The following CRYBG1 variants were observed in gnomAD, a reference collection of about 807,000 sequenced individuals.
The protein encoded by CRYBG1 is beta/gamma crystallin domain-containing protein 1.
CRYBG1 carries 139 observed loss-of-function variants against 189.2 expected under a neutral mutation model. That is an observed-to-expected ratio of 0.73 (90% CI 0.64 to 0.85). CRYBG1 has a LOEUF of 0.85. CRYBG1 is among the 40% of genes least tolerant of loss of function. The pLI is 0.00. For synonymous variants in CRYBG1, 1,023 were observed against 1,017.1 expected, an observed-to-expected ratio of 1.01 and a Z score of -0.11; for missense variants, 2,611 against 2,675.8, an observed-to-expected ratio of 0.98 and a Z score of 0.53.
rs1285497706 is a variant in CRYBG1, at chr6:106,558,514, T to C, written c.5744T>C (p.Phe1915Ser). The change falls in exon 18 of 22, where the codon TTT (phenylalanine) becomes TCT (serine). Residue 1915 changes from phenylalanine to serine, a missense_variant. By Grantham distance (155) the Phe-to-Ser change is radical. Around this residue, in one of 3 missense-constraint regions of CRYBG1, gnomAD observed 1,622 missense variants for 1,735.0 expected, o/e 0.93. Transcript: ENST00000633556. ...VEFSEPTIIL[F>S]EREDFKGKKI... ...TTTTCTGAACCAACAATTATTCTCT[T>C]TGAAAGAGAAGACTTCAAAGGAAAA... 16 of 1,607,200 alleles carry C rather than the reference T, an allele frequency of 1.0e-5. No individual in the cohort carries two copies. The East Asian group carries it at 3.6e-4, about 36-fold the overall frequency.
At chr6:106,560,382 CAA>C (rs1246319222) in intron 18 of CRYBG1, among the ~76,000 whole-genome samples, 1 of 152,170 alleles carries the variant, frequency 6.6e-6, no homozygotes, top group Non-Finnish European at 1.5e-5. Flanking sequence ...TTAGATTTAA[CAA>C]AGATTACTCT....
At chr6:106,366,256 T>C (rs2114290719) in intron 1 of CRYBG1, among the ~76,000 whole-genome samples, 1 of 152,328 alleles carries the variant, frequency 6.6e-6, no homozygotes, top group South Asian at 2.1e-4. Flanking sequence ...TCTATTTTTG[T>C]TTTATGTAAT....
rs1335653047 is a variant in CRYBG1, at chr6:106,499,751, T to G, written c.313-11679T>G. On this transcript the variant is annotated intron_variant, in intron 2 of 21. Coordinates refer to ENST00000633556, the MANE Select transcript of CRYBG1 (RefSeq NM_001371242.2). ...TTAGTATTAACTATGGTCACCATGC[T>G]GTGCAATAGATCTTGAAAACTTATT... Among the ~76,000 whole-genome samples, 9 of 152,362 alleles carry G rather than the reference T, an allele frequency of 5.9e-5. No individual in the cohort carries two copies. The South Asian group carries it at 1.2e-3, about 21-fold the overall frequency.
chr6:106,464,286 A>G (rs1772068796), intron 2 of CRYBG1, among the ~76,000 whole-genome samples: 1 of 152,196 alleles, frequency 6.6e-6, no homozygotes, highest in South Asian at 2.1e-4. Context: ...CAAGGTCAGG[A>G]GTTCAAGACC....
intron 2 of CRYBG1, among the ~76,000 whole-genome samples, chr6:106,456,507 T>C (rs1160333142): frequency 2.0e-5 from 3 of 152,088 alleles, no homozygotes; most frequent in Non-Finnish European, 1.5e-5. Context: ...ATTATAGAGG[T>C]AGTATGTTTG....
At chr6:106,459,180 T>C (rs1018485764) in intron 2 of CRYBG1, among the ~76,000 whole-genome samples, 1 of 152,190 alleles carries the variant, frequency 6.6e-6, no homozygotes, top group Non-Finnish European at 1.5e-5. Flanking sequence ...GAGTGATGTG[T>C]TTTGCTTTCC....
intron 4 of CRYBG1, among the ~76,000 whole-genome samples, 166 bp downstream of exon 4, chr6:106,521,619 G>A (rs1015121251): frequency 7.2e-6 from 1 of 139,758 alleles, no homozygotes; most frequent in African/African-American, 2.5e-5. Flanking sequence ...GGGACCGTTA[G>A]AGTGCAAGAA....
chr6:106,510,758 G>T (rs1293611652), intron 2 of CRYBG1, among the ~76,000 whole-genome samples: 1 of 152,244 alleles, frequency 6.6e-6, no homozygotes, highest in Non-Finnish European at 1.5e-5. Flanking sequence ...ACAGGCAAAA[G>T]CCTTTCCGAT....
intron 2 of CRYBG1, among the ~76,000 whole-genome samples, chr6:106,489,584 C>T (rs542577077): frequency 3.2e-4 from 49 of 150,878 alleles, no homozygotes; most frequent in African/African-American, 1.1e-3. Context: ...TTTGGGAGGC[C>T]GAGGAGGGTG....
chr6:106,499,874 A>T (rs1329934841), intron 2 of CRYBG1, among the ~76,000 whole-genome samples: 1 of 152,220 alleles, frequency 6.6e-6, no homozygotes, highest in East Asian at 1.9e-4. Context: ...CTACTTCTGT[A>T]AGTTTGACTT....
At chr6:106,460,351 T>A (rs898739628) in intron 2 of CRYBG1, among the ~76,000 whole-genome samples, 1 of 152,218 alleles carries the variant, frequency 6.6e-6, no homozygotes, top group Non-Finnish European at 1.5e-5. Flanking sequence ...GAATTATCCT[T>A]TCATATTCTT....
chr6:106,408,788 T>C (rs1235815943), intron 1 of CRYBG1, among the ~76,000 whole-genome samples: 1 of 152,140 alleles, frequency 6.6e-6, no homozygotes, highest in Non-Finnish European at 1.5e-5. Context: ...ATTATCTCAA[T>C]AGATGCAGAA....
At chr6:106,469,888 A>C (rs543115812) in intron 2 of CRYBG1, among the ~76,000 whole-genome samples, 2 of 152,210 alleles carry the variant, frequency 1.3e-5, no homozygotes, top group African/African-American at 4.8e-5. Flanking sequence ...ATGAAGACTC[A>C]GTGTGATGGG....
At chr6:106,543,620 A>C in intron 11 of CRYBG1, 23 bp downstream of exon 11, 1 of 1,593,246 alleles carries the variant, frequency 6.3e-7, no homozygotes, top group Admixed American at 1.8e-5. Context: ...GTGACTTGTT[A>C]GGATTTCTTT....
chr6:106,423,813 C>G (rs12529138), intron 1 of CRYBG1, among the ~76,000 whole-genome samples: 15,858 of 150,344 alleles, frequency 0.11, 893 homozygotes, highest in South Asian at 0.14. Flanking sequence ...TCAAGTGATC[C>G]TCCTGCCTCA....
At chr6:106,542,009 C>T (rs994645426) in intron 10 of CRYBG1, among the ~76,000 whole-genome samples, 6 of 152,062 alleles carry the variant, frequency 3.9e-5, no homozygotes, top group Admixed American at 2.6e-4. Flanking sequence ...TTCTGCTATT[C>T]CCAATTCCCA....
chr6:106,388,767 A>T (rs1277306272), intron 1 of CRYBG1, among the ~76,000 whole-genome samples: 1 of 152,246 alleles, frequency 6.6e-6, no homozygotes, highest in Non-Finnish European at 1.5e-5. Flanking sequence ...GATTAGAATA[A>T]GATGCCACCA....
intron 1 of CRYBG1, among the ~76,000 whole-genome samples, chr6:106,367,301 A>AG (rs1454652901): frequency 6.6e-6 from 1 of 152,130 alleles, no homozygotes; most frequent in Admixed American, 6.6e-5. Flanking sequence ...TTTTAAAAAA[A>AG]TATTGGGCCA....
At chr6:106,564,162 A>G (rs1187485885) in intron 21 of CRYBG1, among the ~76,000 whole-genome samples, 2 of 151,962 alleles carry the variant, frequency 1.3e-5, no homozygotes, top group Non-Finnish European at 2.9e-5. Context: ...CCAGTTTTAC[A>G]GACAAAACAA....
Sources: gnomAD v4.1 joint callset for allele counts (sites outside exome capture counted in the v4.1 genomes callset) on GRCh38, gnomAD v4.1.1 for gene constraint, gnomAD v4.1.1 regional missense constraint, MANE v1.5 for transcripts, NCBI Gene and HGNC (gene_info 2026-07-23, HGNC 2026-07-21) for gene names.